IL17D: variants seen among roughly 807,000 people sequenced by gnomAD.
IL17D encodes the protein interleukin 17D.
Under a neutral mutation model 5.7 loss-of-function variants are expected in IL17D, and 10 were observed. The observed-to-expected ratio is 1.75, with a 90% CI of 1.08 to 2.97. IL17D has a LOEUF of 2.97. IL17D is among the 30% of genes most tolerant of loss of function. The pLI, the probability that IL17D is intolerant of heterozygous loss-of-function variation, is 0.00. For missense variants in IL17D, 354 were observed against 292.7 expected (o/e 1.21, Z -1.53); for synonymous variants, 172 against 141.7 (o/e 1.21, Z -1.52).
At chr13:20,721,170 GC>G (rs1189371890) in intron 1 of IL17D, among the ~76,000 whole-genome samples, 1 of 152,092 alleles carries the variant, frequency 6.6e-6, no homozygotes, top group Admixed American at 6.5e-5. Flanking sequence ...AGCACTGTCC[GC>G]CCCCAGCCCC....
At chr13:20,707,530 G>GT (rs555966236) in intron 1 of IL17D, among the ~76,000 whole-genome samples, 83 of 151,582 alleles carry the variant, frequency 5.5e-4, no homozygotes, top group Middle Eastern at 3.4e-3. Flanking sequence ...GGAAGGACAG[G>GT]TTTTTTCTTT....
upstream of IL17D, chr13:20,703,250 G>A: frequency 2.0e-6 from 2 of 985,792 alleles, no homozygotes; most frequent in Non-Finnish European, 2.4e-6. Flanking sequence ...TTCCGCTCAA[G>A]AGCCGCCGCG....
At chr13:20,714,299 G>A (rs2058662165) in intron 1 of IL17D, among the ~76,000 whole-genome samples, 1 of 152,132 alleles carries the variant, frequency 6.6e-6, no homozygotes, top group African/African-American at 2.4e-5. Context: ...CAGAATAAAT[G>A]GATTTCCTTG....
At chr13:20,712,900 C>G (rs2058650881) in intron 1 of IL17D, 1 of 152,198 alleles carries the variant, frequency 6.6e-6, no homozygotes, top group African/African-American at 2.4e-5. Context: ...CTTTCTTTCT[C>G]TTTTTTCTTT....
chr13:20,711,408 A>G (rs2058636433), intron 1 of IL17D, among the ~76,000 whole-genome samples: 1 of 152,174 alleles, frequency 6.6e-6, no homozygotes, highest in African/African-American at 2.4e-5. Context: ...GGCGGAACTC[A>G]TCCTTTTACC....
At position 20,721,744 on chromosome 13, in the gene IL17D, C is replaced by G. The variant is rs757607565; in HGVS notation, c.399C>G (p.Ser133Arg). 6.2e-7 allele frequency: 1 copy of G among 1,610,584 alleles called. No individual in the cohort carries two copies. The highest frequency in any genetic ancestry group is 8.5e-7 in the Non-Finnish European group (1 of 1,179,570). Residue 133 changes from serine to arginine, a missense_variant, in exon 2 of 2, where the codon AGC becomes AGG. Ser to Arg is a moderately radical substitution (Grantham distance 110). Coordinates refer to ENST00000682841, the MANE Select transcript of IL17D (RefSeq NM_001385224.1). ...LFGEEDVRFR[S>R]APVYMPTVVL... ...GCGAGGAGGACGTGCGCTTCCGCAG[C>G]GCCCCTGTCTACATGCCCACCGTCG... is the stretch of plus-strand genomic sequence containing the variant.
At chr13:20,719,285 GCTCAGACACCTGCCCACA>G (rs1199232201) in intron 1 of IL17D, among the ~76,000 whole-genome samples, 3 of 121,262 alleles carry the variant, frequency 2.5e-5, no homozygotes, top group African/African-American at 6.5e-5. Flanking sequence ...ACCTGCCCAC[GCTCAGACACCTGCCCACA>G]CTCACACCTG....
upstream of IL17D, chr13:20,703,291 C>T (rs559768452): frequency 2.0e-6 from 2 of 986,530 alleles, no homozygotes; most frequent in South Asian, 9.4e-5. Flanking sequence ...TCTGAAAGCG[C>T]TTTCGGGGGA....
chr13:20,717,049 G>A (rs2058683502), intron 1 of IL17D: 1 of 152,224 alleles, frequency 6.6e-6, no homozygotes, highest in South Asian at 2.1e-4. Flanking sequence ...CCGGCCCCAG[G>A]GGCAGGGCTC....
intron 1 of IL17D, among the ~76,000 whole-genome samples, chr13:20,718,711 C>A (rs1394468722): frequency 4.2e-5 from 6 of 141,746 alleles, no homozygotes; most frequent in Non-Finnish European, 7.7e-5. Flanking sequence ...CTCACACACA[C>A]CTGCCCACTT....
chr13:20,714,239 C>T (rs2058661683), intron 1 of IL17D: 1 of 152,186 alleles, frequency 6.6e-6, no homozygotes, highest in Non-Finnish European at 1.5e-5. Context: ...TTTTCCAAAA[C>T]ATTAGTCTTT....
At position 20,721,694 on chromosome 13, in the gene IL17D, C is replaced by T. The variant is rs1218779199; in HGVS notation, c.349C>T (p.Arg117Trp). Residue 117 changes from arginine (R) to tryptophan (W), a missense_variant, in exon 2 of 2, where the codon CGG becomes TGG. Transcript: ENST00000682841. ...RYLPEAYCLCRGCLTGLFGEE... is the reference protein window; with the variant it reads ...RYLPEAYCLCWGCLTGLFGEE... The stretch of plus-strand genomic sequence containing the variant: ...CCTGCCTGAAGCCTACTGCCTGTGC[C>T]GGGGCTGCCTGACCGGGCTGTTCGG... The T allele has an allele frequency of 6.2e-7, 1 of 1,611,050 alleles. No individual in the cohort carries two copies. The highest frequency in any genetic ancestry group is 1.3e-5 in the African/African-American group (1 of 74,912).
At chr13:20,703,440 C>G, upstream of IL17D, 1 of 985,246 alleles carries the variant, frequency 1.0e-6, no homozygotes, top group Non-Finnish European at 1.2e-6. Flanking sequence ...GGTCCGAGTC[C>G]CCGGGTACGA....
intron 1 of IL17D, among the ~76,000 whole-genome samples, chr13:20,719,559 T>C (rs2141399090): frequency 1.3e-5 from 2 of 152,378 alleles, no homozygotes; most frequent in South Asian, 4.1e-4. Flanking sequence ...TTCTCTATTT[T>C]CTAATACTTC....
Position 20,721,958 on chromosome 13 carries a change from C to T in IL17D, c.*4C>T, listed in dbSNP as rs751704134. 41 of 1,579,728 alleles carry T rather than the reference C, an allele frequency of 2.6e-5. No individual in the cohort carries two copies. In the African/African-American group the frequency reaches 4.2e-4, roughly 16 times the overall value. ...CGACGCGCCCGCTGGCCCCTGAGGC[C>T]GGTCCTGCCCCGGGAGGTCTCCCCG... is the stretch of plus-strand genomic sequence containing the variant. On this transcript the variant is annotated 3_prime_UTR_variant, in exon 2 of 2. Coordinates refer to ENST00000682841, the MANE Select transcript of IL17D (RefSeq NM_001385224.1).
At chr13:20,707,310 C>T (rs962058157) in intron 1 of IL17D, among the ~76,000 whole-genome samples, 2 of 151,784 alleles carry the variant, frequency 1.3e-5, no homozygotes, top group Non-Finnish European at 2.9e-5. Flanking sequence ...ACAAAAAAAA[C>T]AGCCAGGTGT....
chr13:20,718,872 ACT>A (rs200474056), intron 1 of IL17D, among the ~76,000 whole-genome samples: 55 of 96,834 alleles, frequency 5.7e-4, no homozygotes, highest in Non-Finnish European at 6.9e-4. Context: ...ACATGCCCAC[ACT>A]CACACACACC....
At chr13:20,704,782 GC>G (rs2058577765) in intron 1 of IL17D, among the ~76,000 whole-genome samples, 1 of 152,000 alleles carries the variant, frequency 6.6e-6, no homozygotes, top group South Asian at 2.1e-4. Flanking sequence ...TGCACAGGGG[GC>G]CCGGGGAGGT....
chr13:20,718,855 C>G (rs2058707660), intron 1 of IL17D, among the ~76,000 whole-genome samples: 1 of 145,964 alleles, frequency 6.9e-6, no homozygotes. Flanking sequence ...TGCCCCCTCA[C>G]CCACACACAT....
Sources: allele counts gnomAD v4.1 joint callset (sites outside exome capture counted in the v4.1 genomes callset), GRCh38; gene constraint gnomAD v4.1.1; transcripts MANE v1.5; gene names NCBI Gene and HGNC (gene_info 2026-07-23, HGNC 2026-07-21).